Variants in EXOC4 observed in about 807,000 individuals in gnomAD.
EXOC4 encodes exocyst complex component 4, also known as SEC8-like 1.
EXOC4 carries 71 observed loss-of-function variants against 107.2 expected under a neutral mutation model. That is an observed-to-expected ratio of 0.66 (90% CI 0.55 to 0.81). The LOEUF (loss-of-function observed/expected upper bound fraction) is 0.81. Ranked by LOEUF, EXOC4 falls within the 30% of genes least tolerant of loss-of-function variation. EXOC4 has a pLI of 0.00. For missense variants in EXOC4, 1,108 were observed against 1,189.6 expected (o/e 0.93, Z 1.01); for synonymous variants, 456 against 441.2 (o/e 1.03, Z -0.42).
At chr7:133,433,574 T>C (rs910824318) in intron 7 of EXOC4, among the ~76,000 whole-genome samples, 2 of 152,204 alleles carry the variant, frequency 1.3e-5, no homozygotes, top group African/African-American at 4.8e-5. Flanking sequence ...AAGGAAGATA[T>C]ACTTGTTGTA....
In EXOC4 at chr7:133,429,564, G is replaced by A. The variant is rs565893605; in HGVS notation, c.1183-45764G>A. Among the ~76,000 whole-genome samples the A allele has an allele frequency of 9.7e-4, 148 of 152,288 alleles. 1 individual carries two copies. The highest frequency in any genetic ancestry group is 2.1e-3 in the East Asian group (11 of 5,184). Reference sequence around the variant, plus strand: ...CAGAACATGTTCGTCACTCCAGGAAGAAAACTGGCCTTTAGCAATCACTCA... The same window carrying A: ...CAGAACATGTTCGTCACTCCAGGAAAAAAACTGGCCTTTAGCAATCACTCA... On this transcript the variant is annotated intron_variant, in intron 7 of 17. Coordinates refer to ENST00000253861, the MANE Select transcript of EXOC4 (RefSeq NM_021807.4).
At chr7:133,410,792 C>T (rs898348189) in intron 7 of EXOC4, among the ~76,000 whole-genome samples, 5 of 152,110 alleles carry the variant, frequency 3.3e-5, no homozygotes, top group African/African-American at 1.2e-4. Flanking sequence ...TGCATGTATA[C>T]AGTTCTGCAT....
At chr7:133,341,227 G>A (rs1032695187) in intron 5 of EXOC4, among the ~76,000 whole-genome samples, 1 of 152,136 alleles carries the variant, frequency 6.6e-6, no homozygotes, top group African/African-American at 2.4e-5. Context: ...TTGATAGGTT[G>A]TATCACTGTC....
the EXOC4 span, among the ~76,000 whole-genome samples, chr7:134,073,848 G>T: frequency 6.6e-6 from 1 of 152,114 alleles, no homozygotes; most frequent in Non-Finnish European, 1.5e-5. Flanking sequence ...GGAGAGCGGG[G>T]TGAGCACTAC....
At chr7:133,797,763 A>C (rs1364698469) in intron 10 of EXOC4, among the ~76,000 whole-genome samples, 6 of 152,212 alleles carry the variant, frequency 3.9e-5, no homozygotes, top group Non-Finnish European at 8.8e-5. Flanking sequence ...AGAGCTAGAC[A>C]GTTCCACAAG....
chr7:133,822,400 ACTAATGCTTAAGGTT>A lies in EXOC4; in HGVS notation c.1734+4857_1734+4871del, dbSNP rs539036372. On this transcript the variant is annotated intron_variant, in intron 11 of 17. Coordinates refer to ENST00000253861, the MANE Select transcript of EXOC4 (RefSeq NM_021807.4). Reference sequence around the variant, plus strand: ...TCCATCTGAAAAAAAGAGCGAGGGGACTAATGCTTAAGGTTTTTGACCCCTTACCCATCAAATTGC... The same window carrying A: ...TCCATCTGAAAAAAAGAGCGAGGGGATTTGACCCCTTACCCATCAAATTGC... Among the ~76,000 whole-genome samples, 923 of 152,272 alleles carry A rather than the reference ACTAATGCTTAAGGTT, an allele frequency of 6.1e-3. 4 individuals are homozygous for A. Among genetic ancestry groups the A allele is most frequent in the Middle Eastern group, 0.024 (7 of 294 alleles).
intron 7 of EXOC4, among the ~76,000 whole-genome samples, chr7:133,439,813 G>A (rs1273368467): frequency 1.3e-5 from 2 of 152,064 alleles, no homozygotes; most frequent in African/African-American, 4.8e-5. Flanking sequence ...CCCTTCCCAT[G>A]TTTTCCCTGG....
chr7:133,907,504 A>G (rs1799593550), intron 12 of EXOC4, among the ~76,000 whole-genome samples: 1 of 152,140 alleles, frequency 6.6e-6, no homozygotes, highest in Non-Finnish European at 1.5e-5. Flanking sequence ...GTTTAAAAAT[A>G]TCCTCAAAGT....
chr7:133,832,689 A>G (rs1797835213), intron 11 of EXOC4, among the ~76,000 whole-genome samples: 1 of 152,204 alleles, frequency 6.6e-6, no homozygotes, highest in South Asian at 2.1e-4. Context: ...CACTGTTTCT[A>G]AAATACATTC....
intron 9 of EXOC4, among the ~76,000 whole-genome samples, chr7:133,538,161 C>T (rs2150928214): frequency 6.6e-6 from 1 of 152,296 alleles, no homozygotes; most frequent in Non-Finnish European, 1.5e-5. Context: ...AATTCAAATT[C>T]ACTTCCTTTT....
intron 11 of EXOC4, among the ~76,000 whole-genome samples, 172 bp downstream of exon 11, chr7:133,817,716 A>G (rs1280484812): frequency 6.6e-6 from 1 of 152,090 alleles, no homozygotes; most frequent in Non-Finnish European, 1.5e-5. Flanking sequence ...TGGATAATGG[A>G]AGTTCCTTAA....
intron 9 of EXOC4, among the ~76,000 whole-genome samples, chr7:133,529,660 C>T (rs1026559272): frequency 7.2e-5 from 11 of 152,086 alleles, no homozygotes; most frequent in African/African-American, 2.7e-4. Flanking sequence ...TTTATGCAAC[C>T]TGTTGCTGAG....
At chr7:133,656,641 A>G (rs753637264) in intron 10 of EXOC4, among the ~76,000 whole-genome samples, 2 of 152,156 alleles carry the variant, frequency 1.3e-5, no homozygotes, top group Non-Finnish European at 2.9e-5. Context: ...CAAAAACACA[A>G]GTGCCTACCT....
chr7:134,019,311 C>T (rs540166499), intron 17 of EXOC4, among the ~76,000 whole-genome samples: 2 of 151,968 alleles, frequency 1.3e-5, no homozygotes, highest in African/African-American at 4.8e-5. Context: ...CTTTACAGAC[C>T]TTTAACTTTA....
chr7:133,743,590 C>G (rs1471329767), intron 10 of EXOC4, among the ~76,000 whole-genome samples: 1 of 152,128 alleles, frequency 6.6e-6, no homozygotes, highest in Non-Finnish European at 1.5e-5. Flanking sequence ...GGATTTCTCC[C>G]CAAAACATCA....
chr7:133,772,826 C>T (rs1796272164), intron 10 of EXOC4, among the ~76,000 whole-genome samples: 1 of 152,056 alleles, frequency 6.6e-6, no homozygotes, highest in African/African-American at 2.4e-5. Context: ...ATTCCATTCT[C>T]CTGAGTTCTA....
chr7:133,386,444 A>T (rs1796728627), intron 7 of EXOC4, among the ~76,000 whole-genome samples: 1 of 152,098 alleles, frequency 6.6e-6, no homozygotes, highest in South Asian at 2.1e-4. Flanking sequence ...GAGCACAAAG[A>T]GCTCTCTGGC....
chr7:134,013,392 A>G (rs1794817636), intron 17 of EXOC4, among the ~76,000 whole-genome samples: 1 of 152,214 alleles, frequency 6.6e-6, no homozygotes, highest in Non-Finnish European at 1.5e-5. Context: ...GCCATCAAAA[A>G]CAAGGAAAGT....
intron 5 of EXOC4, among the ~76,000 whole-genome samples, chr7:133,350,251 C>G (rs1268854164): frequency 6.6e-6 from 1 of 151,966 alleles, no homozygotes; most frequent in Non-Finnish European, 1.5e-5. Flanking sequence ...ATTACCAAAT[C>G]CAATGTCATA....
Sources: allele counts gnomAD v4.1 joint callset (sites outside exome capture counted in the v4.1 genomes callset), GRCh38; gene constraint gnomAD v4.1.1; transcripts MANE v1.5; gene names NCBI Gene and HGNC (gene_info 2026-07-23, HGNC 2026-07-21).